The following NTRK2 variants were observed in gnomAD, a reference collection of about 807,000 sequenced individuals.
NTRK2 encodes the protein BDNF/NT-3 growth factors receptor.
Under a neutral mutation model 94.5 loss-of-function variants are expected in NTRK2, and 13 were observed. The observed-to-expected ratio is 0.14, with a 90% CI of 0.09 to 0.22. The LOEUF (loss-of-function observed/expected upper bound fraction) is 0.22. Among genes scored for constraint, NTRK2 ranks in the 10% least tolerant of loss-of-function variants. The probability of loss-of-function intolerance (pLI) is 1.00; values close to 1 mark genes in which losing one functional copy is unlikely to be tolerated. For missense variants in NTRK2, 639 were observed against 1,071.2 expected (o/e 0.60, Z 5.63); for synonymous variants, 372 against 407.4 (o/e 0.91, Z 1.05).
At chr9:84,750,309 A>C (rs2064473472) in intron 11 of NTRK2, among the ~76,000 whole-genome samples, 1 of 152,124 alleles carries the variant, frequency 6.6e-6, no homozygotes, top group African/African-American at 2.4e-5. Flanking sequence ...ATCTTGGACA[A>C]GAAGTGAAGT....
chr9:84,719,436 A>C (rs1037793459), intron 6 of NTRK2, among the ~76,000 whole-genome samples: 2 of 152,194 alleles, frequency 1.3e-5, no homozygotes, highest in African/African-American at 4.8e-5. Flanking sequence ...TTGAAAAAAA[A>C]CCCACATTAG....
chr9:84,916,989 A>C (rs1269246923), intron 14 of NTRK2, among the ~76,000 whole-genome samples: 1 of 152,140 alleles, frequency 6.6e-6, no homozygotes, highest in African/African-American at 2.4e-5. Context: ...AAAGTCTGTC[A>C]CACTCCCTTC....
rs865898919 is a variant in NTRK2 at position 84,797,691 on chromosome 9, T to A, written c.1396+45606T>A. 1.9e-3 allele frequency among the ~76,000 whole-genome samples: 155 copies of A among 80,520 alleles called. 1 individual carries two copies. Among genetic ancestry groups the A allele is most frequent in the Non-Finnish European group, 2.6e-3 (119 of 45,854 alleles). 52.8% of individuals were successfully genotyped at this position (80,520 alleles called of 152,430 possible). Reference sequence around the variant, plus strand: ...ATTATATATTATATATACTATAATATATATATTATATATACTATAATAATA... The same window carrying A: ...ATTATATATTATATATACTATAATAAATATATTATATATACTATAATAATA... On this transcript the variant is annotated intron_variant, in intron 12 of 18. Coordinates refer to ENST00000277120, the MANE Select transcript of NTRK2 (RefSeq NM_006180.6).
intron 17 of NTRK2, among the ~76,000 whole-genome samples, chr9:84,999,108 T>C (rs1003556280): frequency 6.6e-6 from 1 of 152,234 alleles, no homozygotes; most frequent in South Asian, 2.1e-4. Context: ...ATGTCACTTA[T>C]GTATATGCAT....
intron 12 of NTRK2, among the ~76,000 whole-genome samples, chr9:84,753,662 C>T (rs2064836120): frequency 6.6e-6 from 1 of 152,224 alleles, no homozygotes; most frequent in Non-Finnish European, 1.5e-5. Flanking sequence ...GGCGGCTGCT[C>T]TGTGTGTGCC....
At chr9:84,685,260 G>A (rs1344024313) in intron 2 of NTRK2, among the ~76,000 whole-genome samples, 1 of 151,636 alleles carries the variant, frequency 6.6e-6, no homozygotes, top group African/African-American at 2.4e-5. Flanking sequence ...TGGTTCTGTG[G>A]CAGGACTACC....
At chr9:84,946,881 T>C (rs1035801289) in intron 15 of NTRK2, among the ~76,000 whole-genome samples, 2 of 152,302 alleles carry the variant, frequency 1.3e-5, no homozygotes, top group East Asian at 1.9e-4. Flanking sequence ...TCATGGCCCC[T>C]TTCTTCATCC....
At chr9:84,810,392 A>G in intron 12 of NTRK2, 10 of 758,660 alleles carry the variant, frequency 1.3e-5, no homozygotes, top group African/African-American at 3.5e-5. Flanking sequence ...GTTATTATAT[A>G]TTGCTCTATG....
At chr9:84,959,920 A>C (rs547311023) in intron 17 of NTRK2, among the ~76,000 whole-genome samples, 1 of 152,244 alleles carries the variant, frequency 6.6e-6, no homozygotes, top group African/African-American at 2.4e-5. Context: ...ACATATGCTT[A>C]AAATGTATGT....
At chr9:85,021,138 C>A in intron 18 of NTRK2, 114 bp from the exon 19 acceptor site, 2 of 877,838 alleles carry the variant, frequency 2.3e-6, no homozygotes, top group Non-Finnish European at 1.9e-6. Flanking sequence ...AAAACAAAAC[C>A]AAGAGTGGGC....
At chr9:85,017,387 G>A (rs1215043228) in intron 17 of NTRK2, among the ~76,000 whole-genome samples, 1 of 152,182 alleles carries the variant, frequency 6.6e-6, no homozygotes, top group Non-Finnish European at 1.5e-5. Flanking sequence ...ACCCCAGTAG[G>A]AAACAGGTAA....
At chr9:84,999,062 CCT>C (rs1316426537) in intron 17 of NTRK2, among the ~76,000 whole-genome samples, 2 of 152,172 alleles carry the variant, frequency 1.3e-5, no homozygotes, top group Non-Finnish European at 2.9e-5. Context: ...TCCTGGAGCC[CCT>C]GTCTTTGGCC....
At chr9:84,929,005 C>T (rs2077923815) in intron 14 of NTRK2, among the ~76,000 whole-genome samples, 1 of 152,020 alleles carries the variant, frequency 6.6e-6, no homozygotes, top group African/African-American at 2.4e-5. Flanking sequence ...CTATGAAACC[C>T]CATTATTGAG....
chr9:84,934,706 G>A (rs539695287), intron 15 of NTRK2, among the ~76,000 whole-genome samples: 40 of 152,140 alleles, frequency 2.6e-4, no homozygotes, highest in Non-Finnish European at 4.7e-4. Context: ...GAAGGATTGT[G>A]GACTTCACTT....
At chr9:84,683,980 G>A (rs2059552371) in intron 2 of NTRK2, among the ~76,000 whole-genome samples, 1 of 152,024 alleles carries the variant, frequency 6.6e-6, no homozygotes, top group Non-Finnish European at 1.5e-5. Context: ...TCTGTTTGTT[G>A]GCCACATAAA....
chr9:84,801,255 C>T (rs1177349220), intron 12 of NTRK2, among the ~76,000 whole-genome samples: 6 of 152,270 alleles, frequency 3.9e-5, no homozygotes, highest in African/African-American at 7.2e-5. Context: ...AGGATCCAAA[C>T]GGGTGTTTCT....
chr9:84,813,175 A>G (rs200688207), intron 12 of NTRK2: 229 of 1,046,818 alleles, frequency 2.2e-4, no homozygotes, highest in African/African-American at 8.3e-4. Context: ...TGGCACTTCA[A>G]TGCCAGGCAG....
intron 12 of NTRK2, chr9:84,812,331 T>C (rs923937125): frequency 3.8e-6 from 4 of 1,058,350 alleles, no homozygotes; most frequent in Admixed American, 1.1e-4. Context: ...GCATTTCACT[T>C]GGCTACTTCA....
At chr9:84,856,082 T>G (rs1271199005) in intron 12 of NTRK2, among the ~76,000 whole-genome samples, 2 of 152,198 alleles carry the variant, frequency 1.3e-5, no homozygotes, top group Non-Finnish European at 1.5e-5. Flanking sequence ...TTCAGCCAAA[T>G]ACACACATTT....
Sources: allele counts gnomAD v4.1 joint callset (sites outside exome capture counted in the v4.1 genomes callset), GRCh38; gene constraint gnomAD v4.1.1; transcripts MANE v1.5; gene names NCBI Gene and HGNC (gene_info 2026-07-23, HGNC 2026-07-21).